The following PCDHA6 variants were observed in gnomAD, a reference collection of about 807,000 sequenced individuals.
The protein encoded by PCDHA6 is protocadherin alpha 6, also known as protocadherin alpha-6.
A neutral mutation model predicts 60.3 loss-of-function variants in PCDHA6; 55 were observed. That is an observed-to-expected ratio of 0.91 (90% CI 0.73 to 1.14). The LOEUF (loss-of-function observed/expected upper bound fraction) is 1.14. PCDHA6 is among the 50% of genes most tolerant of loss of function. The pLI is 0.00. For missense variants in PCDHA6, 1,327 were observed against 1,256.5 expected (o/e 1.06, Z -0.85); for synonymous variants, 652 against 557.9 (o/e 1.17, Z -2.38).
intron 1 of PCDHA6, among the ~76,000 whole-genome samples, chr5:140,844,660 A>G (rs1779489979): frequency 1.3e-5 from 2 of 149,622 alleles, no homozygotes; most frequent in African/African-American, 4.9e-5. Flanking sequence ...TGCAAACCAA[A>G]CATATAATTT....
intron 1 of PCDHA6, among the ~76,000 whole-genome samples, chr5:140,936,295 C>T (rs1482125698): frequency 1.3e-5 from 2 of 152,182 alleles, no homozygotes; most frequent in African/African-American, 4.8e-5. Context: ...TATAACATTG[C>T]TATCCAATAG....
At chr5:140,973,442 A>G (rs1230315099) in intron 1 of PCDHA6, among the ~76,000 whole-genome samples, 4 of 152,274 alleles carry the variant, frequency 2.6e-5, no homozygotes, top group Non-Finnish European at 5.9e-5. Context: ...TGGTCACTTT[A>G]TAATGACTGG....
chr5:140,846,853 G>A (rs1277401160), intron 1 of PCDHA6, among the ~76,000 whole-genome samples: 1 of 149,686 alleles, frequency 6.7e-6, no homozygotes, highest in East Asian at 1.9e-4. Flanking sequence ...TGCAAGGCAA[G>A]ATAATGTAAC....
At position 140,830,027 on chromosome 5, in the gene PCDHA6, C is replaced by G. The variant is rs2150179874; in HGVS notation, c.1936C>G (p.Arg646Gly). 7 of 1,613,884 alleles carry G rather than the reference C, an allele frequency of 4.3e-6. No homozygotes were observed. Among genetic ancestry groups the G allele is most frequent in the Non-Finnish European group, 5.1e-6 (6 of 1,179,916 alleles). ...GGACGAAGCGGACTCTCCGCGCCAC[C>G]GGCTGCTGGTGCTGGTGAAAGACCA... is the stretch of plus-strand genomic sequence containing the variant. ...VLDEADSPRH[R>G]LLVLVKDHGE... Residue 646 changes from arginine (R) to glycine (G), a missense_variant, in exon 1 of 4, where the codon CGG becomes GGG. Coordinates refer to ENST00000529310, the MANE Select transcript of PCDHA6 (RefSeq NM_018909.4).
In PCDHA6 at chr5:141,010,018, T is replaced by G. The variant is rs1257083450; in HGVS notation, c.*81T>G. On this transcript the variant is annotated 3_prime_UTR_variant, in exon 4 of 4. Coordinates refer to ENST00000529310, the MANE Select transcript of PCDHA6 (RefSeq NM_018909.4). ...TCCCATGTAGCAATTCCCTGCTCCTTTTTCCTATCTACATGAGCCCTCTTA... is the reference window on the plus strand; with the variant it reads ...TCCCATGTAGCAATTCCCTGCTCCTGTTTCCTATCTACATGAGCCCTCTTA... 2.5e-5 allele frequency: 40 copies of G among 1,571,834 alleles called. No homozygotes were observed. Among genetic ancestry groups the G allele is most frequent in the Non-Finnish European group, 3.4e-5 (39 of 1,163,118 alleles).
intron 1 of PCDHA6, among the ~76,000 whole-genome samples, chr5:140,891,171 A>T (rs1221936185): frequency 1.3e-5 from 2 of 151,478 alleles, no homozygotes; most frequent in African/African-American, 4.9e-5. Flanking sequence ...TGCTTTTCAG[A>T]TTTTCTGTGT....
At position 140,830,188 on chromosome 5, in the gene PCDHA6, C is replaced by A. The variant is rs2150182568; in HGVS notation, c.2097C>A (p.Tyr699Ter). The A allele has an allele frequency of 1.2e-6, 2 of 1,613,672 alleles. No homozygotes were observed. The highest frequency in any genetic ancestry group is 1.7e-6 in the Non-Finnish European group (2 of 1,179,900). ...PEAALVDVNV[Y>*]LIIAICAVSS... is the part of the protein sequence containing the mutation. ...CGGCGCTGGTGGATGTCAACGTGTA[C>A]CTGATCATCGCCATCTGCGCGGTAT... is the stretch of plus-strand genomic sequence containing the variant. The change falls in exon 1 of 4, where the codon TAC becomes TAA. Residue 699 changes from tyrosine (Y) to a stop codon, truncating the protein, a stop_gained. Transcript: ENST00000529310. LOFTEE classifies it high-confidence loss of function.
intron 3 of PCDHA6, among the ~76,000 whole-genome samples, chr5:140,987,354 G>A (rs1180342992): frequency 2.6e-5 from 4 of 152,166 alleles, no homozygotes; most frequent in Admixed American, 2.6e-4. Context: ...TATTCCTGAG[G>A]TTGTCTTATA....
At chr5:141,000,595 T>G (rs1438785385) in intron 3 of PCDHA6, among the ~76,000 whole-genome samples, 1 of 150,924 alleles carries the variant, frequency 6.6e-6, no homozygotes, top group African/African-American at 2.4e-5. Context: ...GCCCAGCTAA[T>G]TTTTGTATTT....
intron 1 of PCDHA6, chr5:140,866,786 T>C (rs368538353): frequency 6.6e-6 from 1 of 152,286 alleles, no homozygotes; most frequent in African/African-American, 2.4e-5. Context: ...TCCTGACTGA[T>C]ATAGTAAAAG....
At position 141,010,430 on chromosome 5, in the gene PCDHA6, A is replaced by T; in HGVS notation, c.*493A>T. On this transcript the variant is annotated 3_prime_UTR_variant, in exon 4 of 4. Transcript: ENST00000529310. ...CTAATTGGTACAAGGAAGGCAAGAA[A>T]ACAAAGACAAATAAACAGCGGAAGT... 9.4e-7 allele frequency: 1 copy of T among 1,058,474 alleles called. No homozygotes were observed. Among genetic ancestry groups the T allele is most frequent in the Non-Finnish European group, 1.3e-6 (1 of 756,992 alleles). 65.6% of individuals were successfully genotyped at this position (1,058,474 alleles called of 1,614,324 possible). A position where few individuals can be genotyped will look rare whatever the true frequency, so the allele number is the denominator to read the frequency against.
intron 1 of PCDHA6, among the ~76,000 whole-genome samples, chr5:140,889,657 C>T (rs1411654885): frequency 2.0e-5 from 3 of 152,128 alleles, no homozygotes; most frequent in African/African-American, 7.2e-5. Context: ...GAGATGTCCT[C>T]TTCCCAGCCT....
intron 1 of PCDHA6, chr5:140,836,371 C>T: frequency 6.2e-7 from 1 of 1,613,708 alleles, no homozygotes. Context: ...ACAGCCACAG[C>T]CACCGTGCTG....
intron 1 of PCDHA6, chr5:140,860,192 C>CATATATAT (rs143984774): frequency 6.9e-4 from 101 of 146,860 alleles, no homozygotes; most frequent in African/African-American, 2.5e-3. Context: ...GCTCTCCTTA[C>CATATATAT]ATATATATCT....
Position 140,871,175 on chromosome 5 carries a change from C to A in PCDHA6, c.2394+40690C>A, listed in dbSNP as rs782460096. On this transcript the variant is annotated intron_variant, in intron 1 of 3. Coordinates refer to ENST00000529310, the MANE Select transcript of PCDHA6 (RefSeq NM_018909.4). The stretch of plus-strand genomic sequence containing the variant: ...GCGGGCGCCGCGAGCCCAGAGGCTG[C>A]GCTGGTGGATGTCAACGTGTACCTG... 1.4e-5 allele frequency: 22 copies of A among 1,613,402 alleles called. No individual in the cohort carries two copies. The highest frequency in any genetic ancestry group is 2.2e-5 in the South Asian group (2 of 91,092).
intron 1 of PCDHA6, chr5:140,831,274 GTCT>G (rs1554133162): frequency 2.0e-5 from 3 of 152,218 alleles, no homozygotes; most frequent in East Asian, 3.9e-4. Flanking sequence ...TCACTTGATG[GTCT>G]TCTCTTCATG....
At chr5:140,969,493 C>T (rs1240479958) in intron 1 of PCDHA6, 5 of 1,445,166 alleles carry the variant, frequency 3.5e-6, no homozygotes, top group Non-Finnish European at 4.6e-6. Flanking sequence ...GCTATTTCCT[C>T]TCTAGAAAAA....
At chr5:140,835,008 C>A in intron 1 of PCDHA6, 1 of 1,388,200 alleles carries the variant, frequency 7.2e-7, no homozygotes. Context: ...TCCGGAGCTT[C>A]ATTTATTGCT....
chr5:140,987,011 C>T (rs1266225593), intron 3 of PCDHA6, among the ~76,000 whole-genome samples: 2 of 152,104 alleles, frequency 1.3e-5, no homozygotes, highest in African/African-American at 4.8e-5. Context: ...GTCATGAGTT[C>T]GAGACCAGCC....
Sources: gnomAD v4.1 joint callset for allele counts (sites outside exome capture counted in the v4.1 genomes callset) on GRCh38, gnomAD v4.1.1 for gene constraint, MANE v1.5 for transcripts, NCBI Gene and HGNC (gene_info 2026-07-23, HGNC 2026-07-21) for gene names.